The following UBAC2 variants were observed in gnomAD, a reference collection of about 807,000 sequenced individuals.
UBAC2 encodes UBA domain containing 2.
Under a neutral mutation model 44.0 loss-of-function variants are expected in UBAC2, and 26 were observed. That is an observed-to-expected ratio of 0.59 (90% CI 0.43 to 0.82). The LOEUF (loss-of-function observed/expected upper bound fraction) is 0.82, where lower values mean the gene tolerates loss of function less well. UBAC2 is among the 40% of genes least tolerant of loss of function. The pLI, the probability that UBAC2 is intolerant of heterozygous loss-of-function variation, is 0.00. For missense variants in UBAC2, 329 were observed against 419.4 expected (o/e 0.78, Z 1.88); for synonymous variants, 155 against 154.3 (o/e 1.00, Z -0.04).
At chr13:99,284,819 C>G (rs755010475) in intron 4 of UBAC2, among the ~76,000 whole-genome samples, 1 of 152,142 alleles carries the variant, frequency 6.6e-6, no homozygotes, top group Non-Finnish European at 1.5e-5. Context: ...GATACATATT[C>G]TAAGGCTGCT....
At chr13:99,243,425 T>C (rs1021563821) in intron 2 of UBAC2, among the ~76,000 whole-genome samples, 1 of 152,136 alleles carries the variant, frequency 6.6e-6, no homozygotes, top group Non-Finnish European at 1.5e-5. Context: ...ATGCATATTT[T>C]TGAGTTTATA....
At chr13:99,288,043 T>G (rs2044042690) in intron 4 of UBAC2, among the ~76,000 whole-genome samples, 1 of 152,198 alleles carries the variant, frequency 6.6e-6, no homozygotes, top group Admixed American at 6.5e-5. Context: ...ATGCCAGGAC[T>G]TGATGGGAAA....
chr13:99,242,780 C>A (rs2043330604), intron 2 of UBAC2, among the ~76,000 whole-genome samples: 1 of 149,320 alleles, frequency 6.7e-6, no homozygotes, highest in African/African-American at 2.5e-5. Flanking sequence ...CGGAGACGCT[C>A]CTCACTTCCC....
chr13:99,358,915 G>A (rs2045226880), intron 7 of UBAC2, among the ~76,000 whole-genome samples: 1 of 152,186 alleles, frequency 6.6e-6, no homozygotes, highest in Admixed American at 6.5e-5. Flanking sequence ...AGGAGACAGT[G>A]GGTTACATGG....
intron 4 of UBAC2, among the ~76,000 whole-genome samples, chr13:99,271,869 T>C (rs61970286): frequency 0.031 from 4,655 of 152,232 alleles, 92 homozygotes; most frequent in Middle Eastern, 0.13. Flanking sequence ...CTGGATTAGC[T>C]TTTATATTAT....
chr13:99,278,822 A>T (rs900769522), intron 4 of UBAC2, among the ~76,000 whole-genome samples: 2 of 152,230 alleles, frequency 1.3e-5, no homozygotes, highest in Non-Finnish European at 2.9e-5. Flanking sequence ...GTCCAGGAAC[A>T]TATAACTCAG....
chr13:99,240,875 G>A (rs369235637), intron 2 of UBAC2, among the ~76,000 whole-genome samples: 3 of 152,162 alleles, frequency 2.0e-5, no homozygotes, highest in Non-Finnish European at 4.4e-5. Context: ...CAGTTGATAT[G>A]CTCAGACTTC....
At chr13:99,264,523 A>T (rs1213807258) in intron 4 of UBAC2, among the ~76,000 whole-genome samples, 1 of 152,008 alleles carries the variant, frequency 6.6e-6, no homozygotes, top group African/African-American at 2.4e-5. Flanking sequence ...AGCTTATTTA[A>T]ATTTTTCCTG....
intron 4 of UBAC2, among the ~76,000 whole-genome samples, chr13:99,288,111 A>G (rs552084130): frequency 6.3e-4 from 96 of 152,260 alleles, no homozygotes; most frequent in Non-Finnish European, 1.0e-3. Flanking sequence ...CTTTTTTTAG[A>G]TTAGGTCTCA....
intron 4 of UBAC2, among the ~76,000 whole-genome samples, chr13:99,284,570 A>G (rs1308046245): frequency 6.6e-6 from 1 of 152,224 alleles, no homozygotes; most frequent in East Asian, 1.9e-4. Context: ...TGTAGACATA[A>G]TGTCCCTTTG....
chr13:99,207,993 CT>C (rs369860759), intron 1 of UBAC2, among the ~76,000 whole-genome samples: 71,792 of 109,168 alleles, frequency 0.66, 22,709 homozygotes, highest in East Asian at 0.89. Context: ...CTCATCGTCT[CT>C]TTTTTTTTTT....
chr13:99,280,599 C>T (rs1256853074), intron 4 of UBAC2, among the ~76,000 whole-genome samples: 1 of 152,166 alleles, frequency 6.6e-6, no homozygotes, highest in Non-Finnish European at 1.5e-5. Flanking sequence ...TAATTGACCA[C>T]TCTCTCAACT....
intron 7 of UBAC2, among the ~76,000 whole-genome samples, chr13:99,366,626 TGA>T (rs2045334661): frequency 1.0e-5 from 1 of 96,998 alleles, no homozygotes; most frequent in Non-Finnish European, 3.0e-5. Context: ...CTTTTTAGTT[TGA>T]TTTTTTTTTC....
intron 1 of UBAC2, among the ~76,000 whole-genome samples, chr13:99,237,996 CA>C (rs1860711784): frequency 6.6e-6 from 1 of 152,244 alleles, no homozygotes; most frequent in Non-Finnish European, 1.5e-5. Flanking sequence ...TATGTACTCC[CA>C]AAATGTGTTC....
At position 99,237,734 on chromosome 13, in the gene UBAC2, C is replaced by T. The variant is rs151267592; in HGVS notation, c.32-693C>T. ...CTTTGGGAGGCCAAGGCAGAAGGAT[C>T]GCTTGAGCCCAGGAGTTTGAGACCA... On this transcript the variant is annotated intron_variant, in intron 1 of 8. Coordinates refer to ENST00000403766, the MANE Select transcript of UBAC2 (RefSeq NM_001144072.2). Among the ~76,000 whole-genome samples, 705 of 152,316 alleles carry T rather than the reference C, an allele frequency of 4.6e-3. 4 individuals carry two copies. Among genetic ancestry groups the T allele is most frequent in the Non-Finnish European group, 7.0e-3 (478 of 68,024 alleles).
chr13:99,256,691 A>G (rs951050966), intron 4 of UBAC2, among the ~76,000 whole-genome samples: 12 of 138,790 alleles, frequency 8.6e-5, no homozygotes, highest in African/African-American at 2.9e-4. Context: ...GTATGTAGAA[A>G]CTTATAAATT....
chr13:99,314,540 AATG>A (rs2044462004), intron 5 of UBAC2, among the ~76,000 whole-genome samples: 1 of 152,216 alleles, frequency 6.6e-6, no homozygotes, highest in Non-Finnish European at 1.5e-5. Context: ...AGTGGAAACA[AATG>A]AGAACAATCA....
chr13:99,335,797 G>C (rs944983210), intron 6 of UBAC2, among the ~76,000 whole-genome samples: 4 of 152,092 alleles, frequency 2.6e-5, no homozygotes, highest in Non-Finnish European at 5.9e-5. Flanking sequence ...GCTCTACTTG[G>C]TGTTGCCACA....
chr13:99,233,295 T>C (rs976525131), intron 1 of UBAC2, among the ~76,000 whole-genome samples: 3 of 152,074 alleles, frequency 2.0e-5, no homozygotes, highest in African/African-American at 7.2e-5. Flanking sequence ...GTATTTTTAG[T>C]AGAGACAGGG....
Sources: allele counts gnomAD v4.1 joint callset (sites outside exome capture counted in the v4.1 genomes callset), GRCh38; gene constraint gnomAD v4.1.1; transcripts MANE v1.5; gene names NCBI Gene and HGNC (gene_info 2026-07-23, HGNC 2026-07-21).